The following ABCA4 variants were observed in gnomAD, a reference collection of about 807,000 sequenced individuals.
The protein encoded by ABCA4 is ATP binding cassette subfamily A member 4.
Under a neutral mutation model 263.7 loss-of-function variants are expected in ABCA4, and 196 were observed. The ratio of observed to expected loss-of-function variants is 0.74; its 90% CI spans 0.66 to 0.84. ABCA4 has a LOEUF of 0.84. Among genes scored for constraint, ABCA4 ranks in the 40% least tolerant of loss-of-function variants. The pLI is 0.00. For missense variants in ABCA4, 2,792 were observed against 2,855.1 expected (o/e 0.98, Z 0.50); for synonymous variants, 1,133 against 1,094.2 (o/e 1.04, Z -0.70).
At chr1:94,108,453 C>A (rs1662501080) in intron 4 of ABCA4, 124 bp downstream of exon 4, 2 of 1,419,358 alleles carry the variant, frequency 1.4e-6, no homozygotes, top group Non-Finnish European at 2.0e-6. Flanking sequence ...AAGCCGCCTC[C>A]AGACCCCATC....
intron 34 of ABCA4, 68 bp downstream of exon 34, chr1:94,021,572 A>G: frequency 6.6e-7 from 1 of 1,521,650 alleles, no homozygotes; most frequent in South Asian, 1.1e-5. Flanking sequence ...AAGGTAGGAA[A>G]GTAAAAATAA....
intron 44 of ABCA4, 159 bp downstream of exon 44, chr1:94,005,282 A>G (rs1659341991): frequency 1.0e-6 from 1 of 952,714 alleles, no homozygotes. Context: ...CCTGGTTTCT[A>G]GAACAGTACT....
At chr1:94,003,156 C>G (rs1236057985) in intron 44 of ABCA4, among the ~76,000 whole-genome samples, 1 of 152,110 alleles carries the variant, frequency 6.6e-6, no homozygotes, top group East Asian at 1.9e-4. Context: ...ATACATTTAC[C>G]TAATCTACTG....
At chr1:94,035,812 C>A (rs1281036464) in intron 26 of ABCA4, among the ~76,000 whole-genome samples, 1 of 152,162 alleles carries the variant, frequency 6.6e-6, no homozygotes, top group African/African-American at 2.4e-5. Context: ...TATCTCCCCA[C>A]CCTCCACCCT....
At chr1:94,023,146 T>C (rs1278751394) in intron 32 of ABCA4, among the ~76,000 whole-genome samples, 2 of 152,164 alleles carry the variant, frequency 1.3e-5, no homozygotes, top group Non-Finnish European at 1.5e-5. Context: ...GAGAATGCTC[T>C]GAAACGCCAC....
rs1660450194 is a variant in ABCA4 at position 94,040,145 on chromosome 1, G to A, written c.3523-18C>T. 1 of 1,588,806 alleles carries A rather than the reference G, an allele frequency of 6.3e-7. No individual in the cohort carries two copies. The highest frequency in any genetic ancestry group is 1.3e-5 in the African/African-American group (1 of 74,740). ...CAGGTCCCCTGCAACAGATGGATGGGATGACTGACAAGATGCACATCCCTT... is the reference window on the plus strand; with the variant it reads ...CAGGTCCCCTGCAACAGATGGATGGAATGACTGACAAGATGCACATCCCTT... On this transcript the variant is annotated intron_variant, in intron 23 of 49. Transcript: ENST00000370225.
intron 4 of ABCA4, among the ~76,000 whole-genome samples, chr1:94,104,097 A>C (rs1290877504): frequency 6.6e-6 from 1 of 152,140 alleles, no homozygotes; most frequent in Non-Finnish European, 1.5e-5. Flanking sequence ...TGATCGAATT[A>C]ATATAATTCT....
At chr1:93,995,909 T>C (rs1658986157) in intron 49 of ABCA4, among the ~76,000 whole-genome samples, 200 bp downstream of exon 49, 1 of 152,228 alleles carries the variant, frequency 6.6e-6, no homozygotes, top group African/African-American at 2.4e-5. Flanking sequence ...GAAAAGTTCT[T>C]CAGCACAGAA....
At chr1:94,019,818 AG>A in intron 35 of ABCA4, 59 bp from the exon 36 acceptor site, 1 of 1,560,236 alleles carries the variant, frequency 6.4e-7, no homozygotes, top group Non-Finnish European at 8.7e-7. Context: ...CAGAAGGAGG[AG>A]AAGATACAAA....
chr1:94,061,284 C>T, intron 13 of ABCA4: 1 of 189,560 alleles, frequency 5.3e-6, no homozygotes, highest in Non-Finnish European at 1.1e-5. Context: ...CAGTTTGGCA[C>T]TTTCAGAAGG....
In ABCA4 at chr1:94,077,748, C is replaced by T. The variant is rs1661575232; in HGVS notation, c.1496G>A (p.Trp499Ter). 2 of 1,614,180 alleles carry T rather than the reference C, an allele frequency of 1.2e-6. No individual in the cohort carries two copies. The highest frequency in any genetic ancestry group is 1.7e-6 in the Non-Finnish European group (2 of 1,180,028). The change falls in exon 11 of 50, where the codon TGG becomes TAG. Residue 499 changes from tryptophan to a stop codon, truncating the protein, a stop_gained. Coordinates refer to ENST00000370225, the MANE Select transcript of ABCA4 (RefSeq NM_000350.3). LOFTEE classifies it high-confidence loss of function. ...SQADDMANFD[W>*]RDIFNITDRT... ...ATCAGTGATGTTAAATATGTCCCTC[C>T]AGTCGAAGTTGGCCATGTCGTCAGC...
At chr1:94,003,682 G>A (rs1659278631) in intron 44 of ABCA4, among the ~76,000 whole-genome samples, 1 of 152,082 alleles carries the variant, frequency 6.6e-6, no homozygotes, top group Non-Finnish European at 1.5e-5. Context: ...TTCCCAGGCT[G>A]GAGAGCAGTG....
At chr1:94,104,781 C>G (rs1011644835) in intron 4 of ABCA4, among the ~76,000 whole-genome samples, 9 of 152,238 alleles carry the variant, frequency 5.9e-5, no homozygotes, top group African/African-American at 1.9e-4. Flanking sequence ...AAGGGCTGCT[C>G]CCTTATATTC....
At position 94,108,390 on chromosome 1, in the gene ABCA4, C is replaced by T. The variant is rs541013684; in HGVS notation, c.442+187G>A. ...CCTTTCCTGCCTTCCTTCCCAACTT[C>T]CTACCTTCCAGGCTTCTGTGGAGGA... On this transcript the variant is annotated intron_variant, in intron 4 of 49. Coordinates refer to ENST00000370225, the MANE Select transcript of ABCA4 (RefSeq NM_000350.3). Among the ~76,000 whole-genome samples, 5 of 152,336 alleles carry T rather than the reference C, an allele frequency of 3.3e-5. No homozygotes were observed. The East Asian group carries it at 7.7e-4, about 24-fold the overall frequency.
At chr1:93,996,220 T>G in intron 48 of ABCA4, 25 bp from the exon 49 acceptor site, 1 of 1,570,512 alleles carries the variant, frequency 6.4e-7, no homozygotes, top group African/African-American at 1.4e-5. Context: ...AGAGCGAGAT[T>G]AGGTAGATAT....
intron 28 of ABCA4, among the ~76,000 whole-genome samples, 174 bp from the exon 29 acceptor site, chr1:94,030,700 G>T (rs1404967517): frequency 6.6e-6 from 1 of 152,206 alleles, no homozygotes; most frequent in African/African-American, 2.4e-5. Flanking sequence ...AACACTCGCA[G>T]TGGTCTGATG....
intron 17 of ABCA4, among the ~76,000 whole-genome samples, chr1:94,050,029 C>T (rs1036487160): frequency 9.2e-5 from 14 of 152,158 alleles, no homozygotes; most frequent in African/African-American, 3.4e-4. Flanking sequence ...AGGAGCAGGG[C>T]GAGATTTCTC....
chr1:94,081,141 CGTGAACCTGGGGGGCAGAGCTTACA>C (rs1281763332), intron 7 of ABCA4, among the ~76,000 whole-genome samples: 1 of 152,102 alleles, frequency 6.6e-6, no homozygotes, highest in Non-Finnish European at 1.5e-5. Flanking sequence ...AGGAGAATGG[CGTGAACCTGGGGGGCAGAGCTTACA>C]GTGAGTAGAC....
chr1:94,098,802 A>G lies in ABCA4; in HGVS notation c.760T>C (p.Phe254Leu), dbSNP rs1662206970. The G allele has an allele frequency of 5.0e-6, 8 of 1,614,202 alleles. No individual in the cohort carries two copies. The highest frequency in any genetic ancestry group is 6.8e-6 in the Non-Finnish European group (8 of 1,180,034). The change falls in exon 6 of 50, where the codon TTC (phenylalanine) becomes CTC (leucine). Residue 254 changes from phenylalanine to leucine, a missense_variant. Phe to Leu is a conservative substitution (Grantham distance 22, BLOSUM62 0). Transcript: ENST00000370225. The stretch of plus-strand genomic sequence containing the variant: ...CCAAACCCCTCCCTTACCACACGGA[A>G]GAGCTTGAAGAAGTCCACGTTGGCA... Reference protein sequence around the residue: ...LYANVDFFKLFRVLPTLLDSR... With the variant: ...LYANVDFFKLLRVLPTLLDSR...
Sources: gnomAD v4.1 joint callset for allele counts (sites outside exome capture counted in the v4.1 genomes callset) on GRCh38, gnomAD v4.1.1 for gene constraint, MANE v1.5 for transcripts, NCBI Gene and HGNC (gene_info 2026-07-23, HGNC 2026-07-21) for gene names.